The following IMMP2L variants were observed in gnomAD, a reference collection of about 807,000 sequenced individuals.
IMMP2L encodes inner mitochondrial membrane peptidase subunit 2, also known as mitochondrial inner membrane protease subunit 2.
In IMMP2L, 18 loss-of-function variants were observed where a neutral mutation model predicts 19.3. The observed-to-expected ratio is 0.93, with a 90% CI of 0.64 to 1.38. The LOEUF (loss-of-function observed/expected upper bound fraction) is 1.38, where lower values mean the gene tolerates loss of function less well. IMMP2L is among the 40% of genes most tolerant of loss of function. The pLI, the probability that IMMP2L is intolerant of heterozygous loss-of-function variation, is 0.00. For synonymous variants in IMMP2L, 76 were observed against 73.0 expected (o/e 1.04, Z -0.21); for missense variants, 233 against 218.2 (o/e 1.07, Z -0.43).
chr7:111,459,550 C>G (rs2131992509), intron 3 of IMMP2L, among the ~76,000 whole-genome samples: 1 of 152,166 alleles, frequency 6.6e-6, no homozygotes, highest in East Asian at 1.9e-4. Flanking sequence ...ACTATATTTA[C>G]TTACTCCCCC....
At chr7:111,075,905 A>G (rs145381531) in intron 3 of IMMP2L, among the ~76,000 whole-genome samples, 2 of 152,342 alleles carry the variant, frequency 1.3e-5, no homozygotes, top group East Asian at 1.9e-4. Context: ...TTAGAAAAAA[A>G]CATAATGTTT....
At chr7:111,470,102 C>T (rs561891052) in intron 3 of IMMP2L, among the ~76,000 whole-genome samples, 2 of 152,282 alleles carry the variant, frequency 1.3e-5, no homozygotes, top group African/African-American at 2.4e-5. Flanking sequence ...GACATTAATG[C>T]AGTCAAAAGA....
At chr7:111,326,433 A>T (rs1825324576) in intron 3 of IMMP2L, among the ~76,000 whole-genome samples, 1 of 151,842 alleles carries the variant, frequency 6.6e-6, no homozygotes, top group Non-Finnish European at 1.5e-5. Context: ...CTCCCTCCAT[A>T]AGTGAAAGCT....
chr7:111,414,097 T>G (rs140233294), intron 3 of IMMP2L, among the ~76,000 whole-genome samples: 1 of 151,812 alleles, frequency 6.6e-6, no homozygotes, highest in African/African-American at 2.4e-5. Context: ...TGCAGTGAAC[T>G]TGACCCCCTC....
At chr7:110,985,959 T>C (rs1380571692) in intron 3 of IMMP2L, among the ~76,000 whole-genome samples, 2 of 152,284 alleles carry the variant, frequency 1.3e-5, no homozygotes, top group Non-Finnish European at 2.9e-5. Flanking sequence ...TGAGCAAACA[T>C]AGGAAGCTCA....
At chr7:111,314,735 T>G (rs1364379955) in intron 3 of IMMP2L, among the ~76,000 whole-genome samples, 1 of 152,168 alleles carries the variant, frequency 6.6e-6, no homozygotes, top group Non-Finnish European at 1.5e-5. Flanking sequence ...TTAATAACTA[T>G]TAATATGTTT....
intron 3 of IMMP2L, among the ~76,000 whole-genome samples, chr7:110,985,685 T>C (rs929645730): frequency 3.9e-5 from 6 of 152,186 alleles, no homozygotes; most frequent in Admixed American, 2.0e-4. Flanking sequence ...ATTTACAACA[T>C]GAAAATACTG....
At chr7:110,880,630 C>T (rs556328876) in intron 5 of IMMP2L, among the ~76,000 whole-genome samples, 110 of 151,990 alleles carry the variant, frequency 7.2e-4, no homozygotes, top group Non-Finnish European at 1.2e-3. Context: ...TCTATGTACA[C>T]TCAGTTATGT....
intron 5 of IMMP2L, among the ~76,000 whole-genome samples, chr7:110,677,742 GA>G (rs76882311): frequency 0.12 from 17,193 of 148,248 alleles, 1,217 homozygotes; most frequent in South Asian, 0.29. Context: ...AAGGATAAAA[GA>G]AAAAAAAAAT....
chr7:111,163,290 C>T (rs1249399669), intron 3 of IMMP2L, among the ~76,000 whole-genome samples: 1 of 152,042 alleles, frequency 6.6e-6, no homozygotes, highest in East Asian at 1.9e-4. Context: ...CACGTGGCTT[C>T]ATCACATAGA....
chr7:111,074,509 A>G (rs1344862785), intron 3 of IMMP2L, among the ~76,000 whole-genome samples: 1 of 152,212 alleles, frequency 6.6e-6, no homozygotes, highest in Non-Finnish European at 1.5e-5. Context: ...TAGTCTTCTC[A>G]TTTTTGGACA....
intron 5 of IMMP2L, among the ~76,000 whole-genome samples, chr7:110,875,850 CA>C (rs1049603861): frequency 2.0e-5 from 3 of 152,026 alleles, no homozygotes; most frequent in African/African-American, 7.2e-5. Context: ...GCTTAGTAAT[CA>C]AAAAAGTTCA....
At chr7:110,743,400 A>G (rs941227673) in intron 5 of IMMP2L, among the ~76,000 whole-genome samples, 2 of 152,238 alleles carry the variant, frequency 1.3e-5, no homozygotes, top group Admixed American at 1.3e-4. Flanking sequence ...ACTCTCAAGT[A>G]TTAAATGAAA....
intron 5 of IMMP2L, among the ~76,000 whole-genome samples, chr7:110,767,152 A>G (rs1798719243): frequency 6.6e-6 from 1 of 152,088 alleles, no homozygotes; most frequent in African/African-American, 2.4e-5. Context: ...TAATTTATTT[A>G]TCCTATTAAG....
At chr7:111,111,044 A>T (rs1262498218) in intron 3 of IMMP2L, among the ~76,000 whole-genome samples, 2 of 152,158 alleles carry the variant, frequency 1.3e-5, no homozygotes, top group Non-Finnish European at 2.9e-5. Flanking sequence ...ATAATCCTAA[A>T]TTATCTGGAA....
In IMMP2L at chr7:111,003,096, GTTA is replaced by G. The variant is rs371309355; in HGVS notation, c.240-39534_240-39532del. Among the ~76,000 whole-genome samples the G allele has an allele frequency of 2.6e-3, 398 of 152,146 alleles. 1 individual carries two copies. The highest frequency in any genetic ancestry group is 9.2e-3 in the African/African-American group (382 of 41,512). On this transcript the variant is annotated intron_variant, in intron 3 of 5. Transcript: ENST00000405709. The stretch of plus-strand genomic sequence containing the variant: ...AGAGGATTTTTCTGCTAGCATTATT[GTTA>G]TTATTGTTACTGTTCTTAGTTTATG...
chr7:111,364,591 C>T (rs145299924), intron 3 of IMMP2L, among the ~76,000 whole-genome samples: 9 of 149,578 alleles, frequency 6.0e-5, no homozygotes, highest in African/African-American at 1.2e-4. Flanking sequence ...GTCAAGATTG[C>T]GCCACTGCAC....
chr7:111,210,217 A>G (rs1024045153), intron 3 of IMMP2L, among the ~76,000 whole-genome samples: 4 of 152,188 alleles, frequency 2.6e-5, no homozygotes, highest in African/African-American at 9.7e-5. Flanking sequence ...GAGACCCCTG[A>G]TAGGAAGATT....
chr7:111,108,762 T>C (rs765596625), intron 3 of IMMP2L, among the ~76,000 whole-genome samples: 1 of 152,144 alleles, frequency 6.6e-6, no homozygotes, highest in Non-Finnish European at 1.5e-5. Context: ...ACAAACCACA[T>C]GAGTCAATTC....
Sources: allele counts gnomAD v4.1 joint callset (sites outside exome capture counted in the v4.1 genomes callset), GRCh38; gene constraint gnomAD v4.1.1; transcripts MANE v1.5; gene names NCBI Gene and HGNC (gene_info 2026-07-23, HGNC 2026-07-21).